The following LINC02747 variants were observed in gnomAD, a reference collection of about 807,000 sequenced individuals.
LINC02747 encodes the protein long independently transcribed non-coding RNA 2747.
At chr11:69,477,357 C>T (rs1857005361) in exon 2 of LINC02747, 1 of 152,298 alleles carries the variant, frequency 6.6e-6, no homozygotes, top group Non-Finnish European at 1.5e-5. Flanking sequence ...TCAGATCCTA[C>T]AGGAGGTTGC....
chr11:69,480,183 C>T (rs1047498705), intron 1 of LINC02747, among the ~76,000 whole-genome samples: 2 of 152,194 alleles, frequency 1.3e-5, no homozygotes, highest in African/African-American at 2.4e-5. Flanking sequence ...GGCCTCCTCT[C>T]TCCCAGGGGA....
chr11:69,480,703 T>C (rs530993970), intron 1 of LINC02747, among the ~76,000 whole-genome samples: 2 of 152,300 alleles, frequency 1.3e-5, no homozygotes, highest in South Asian at 4.1e-4. Context: ...AGTGTTCAGG[T>C]CACCACAGTG....
intron 1 of LINC02747, chr11:69,479,685 C>T (rs603499): frequency 0.064 from 9,828 of 152,600 alleles, 947 homozygotes; most frequent in African/African-American, 0.21. Flanking sequence ...TTCCCCAGAA[C>T]GCACACTCAC....
intron 1 of LINC02747, among the ~76,000 whole-genome samples, chr11:69,480,554 C>T (rs1347691371): frequency 6.6e-6 from 1 of 152,232 alleles, no homozygotes; most frequent in Non-Finnish European, 1.5e-5. Context: ...TTCCCTTCAC[C>T]TGATAGTCCC....
chr11:69,475,832 T>C (rs757730052), exon 2 of LINC02747: 5 of 152,178 alleles, frequency 3.3e-5, no homozygotes, highest in Non-Finnish European at 7.3e-5. Flanking sequence ...AGGTCCCCTC[T>C]CCTAATGCCA....
exon 2 of LINC02747, chr11:69,475,616 C>T (rs770859558): frequency 5.3e-5 from 8 of 152,176 alleles, no homozygotes; most frequent in South Asian, 2.1e-4. Flanking sequence ...CGGTTTAAAT[C>T]GCAAACATTT....
chr11:69,478,626 C>G (rs1857017611), intron 1 of LINC02747, among the ~76,000 whole-genome samples: 1 of 150,088 alleles, frequency 6.7e-6, no homozygotes, highest in East Asian at 2.1e-4. Context: ...GGAGGATCAC[C>G]CTGGGGTCAG....
intron 1 of LINC02747, among the ~76,000 whole-genome samples, chr11:69,478,421 C>A (rs1725876448): frequency 6.6e-6 from 1 of 152,190 alleles, no homozygotes; most frequent in South Asian, 2.1e-4. Flanking sequence ...TCCCTGGGGA[C>A]CTGCCTCCTG....
At chr11:69,479,254 CAAAAAAA>C (rs34812492) in intron 1 of LINC02747, among the ~76,000 whole-genome samples, 5 of 47,546 alleles carry the variant, frequency 1.1e-4, no homozygotes, top group South Asian at 2.0e-3. Flanking sequence ...GACTCTGTCT[CAAAAAAA>C]AAAAAAAAAA....
At chr11:69,478,249 G>A (rs1857014328) in intron 1 of LINC02747, among the ~76,000 whole-genome samples, 7 of 152,192 alleles carry the variant, frequency 4.6e-5, no homozygotes, top group Admixed American at 3.9e-4. Context: ...TAAGACAGGA[G>A]TAGGGAACAG....
intron 1 of LINC02747, among the ~76,000 whole-genome samples, chr11:69,479,254 CAAAAA>C (rs34812492): frequency 1.4e-3 from 68 of 47,546 alleles, no homozygotes; most frequent in African/African-American, 4.6e-3. Context: ...GACTCTGTCT[CAAAAA>C]AAAAAAAAAA....
chr11:69,479,283 A>C (rs1289950624), intron 1 of LINC02747, among the ~76,000 whole-genome samples: 1 of 145,828 alleles, frequency 6.9e-6, no homozygotes, highest in African/African-American at 2.5e-5. Context: ...AAAAAGAGAG[A>C]GAGAGAGAGG....
chr11:69,480,555 T>C (rs189611974), intron 1 of LINC02747, among the ~76,000 whole-genome samples: 1 of 152,344 alleles, frequency 6.6e-6, no homozygotes, highest in African/African-American at 2.4e-5. Flanking sequence ...TCCCTTCACC[T>C]GATAGTCCCA....
At chr11:69,479,920 T>C (rs1424802880) in intron 1 of LINC02747, 5 of 152,100 alleles carry the variant, frequency 3.3e-5, no homozygotes, top group African/African-American at 1.2e-4. Context: ...TGAGTCAGAG[T>C]TCAAGGTGTG....
chr11:69,479,487 A>G (rs1209147755), intron 1 of LINC02747, among the ~76,000 whole-genome samples: 1 of 151,980 alleles, frequency 6.6e-6, no homozygotes, highest in Non-Finnish European at 1.5e-5. Context: ...GAGCAGAAAA[A>G]CGCCCTGTTG....
intron 1 of LINC02747, chr11:69,479,812 G>A: frequency 6.6e-6 from 1 of 152,536 alleles, no homozygotes; most frequent in Non-Finnish European, 1.5e-5. Context: ...TGGGGGGCCT[G>A]CTCAGAAGGC....
intron 1 of LINC02747, among the ~76,000 whole-genome samples, chr11:69,480,400 G>A (rs968533617): frequency 1.3e-5 from 2 of 152,194 alleles, no homozygotes; most frequent in Admixed American, 6.5e-5. Context: ...CAGACGTCAC[G>A]GGCACCCAGA....
At chr11:69,478,827 C>T (rs1857019717) in intron 1 of LINC02747, among the ~76,000 whole-genome samples, 1 of 152,152 alleles carries the variant, frequency 6.6e-6, no homozygotes, top group Admixed American at 6.5e-5. Context: ...GATTGTGCCA[C>T]TGCACTCTAG....
chr11:69,477,317 C>T (rs1025167678), exon 2 of LINC02747: 14 of 152,360 alleles, frequency 9.2e-5, no homozygotes, highest in East Asian at 3.9e-4. Flanking sequence ...GTCACCGTGA[C>T]GACAGCCATG....
Sources: gnomAD v4.1 joint callset for allele counts (sites outside exome capture counted in the v4.1 genomes callset) on GRCh38, gnomAD v4.1.1 for gene constraint, MANE v1.5 for transcripts, NCBI Gene and HGNC (gene_info 2026-07-23, HGNC 2026-07-21) for gene names.